Variants in SEC24A observed in about 807,000 individuals in gnomAD.
SEC24A encodes protein transport protein Sec24A.
In SEC24A, 93 loss-of-function variants were observed where a neutral mutation model predicts 129.4. That is an observed-to-expected ratio of 0.72 (90% CI 0.61 to 0.85). The LOEUF is 0.85. SEC24A is among the 40% of genes least tolerant of loss of function. The pLI is 0.00. For synonymous variants in SEC24A, 460 were observed against 467.3 expected, an observed-to-expected ratio of 0.98 and a Z score of 0.20; for missense variants, 1,264 against 1,307.4, an observed-to-expected ratio of 0.97 and a Z score of 0.51.
chr5:134,692,552 C>G (rs1452478926), intron 11 of SEC24A, 50 bp from the exon 12 acceptor site: 1 of 981,424 alleles, frequency 1.0e-6, no homozygotes, highest in Non-Finnish European at 1.6e-6. Flanking sequence ...ATTTGGCACA[C>G]TTTTAATTAT....
chr5:134,678,186 C>T (rs1751134807), intron 7 of SEC24A, among the ~76,000 whole-genome samples: 1 of 152,074 alleles, frequency 6.6e-6, no homozygotes, highest in Non-Finnish European at 1.5e-5. Flanking sequence ...CCACTATACC[C>T]AGCTAAGACT....
chr5:134,684,720 AAAAAAG>A (rs1048746860), intron 9 of SEC24A, among the ~76,000 whole-genome samples: 5 of 152,054 alleles, frequency 3.3e-5, no homozygotes, highest in African/African-American at 4.8e-5. Context: ...CTCAAAAAAC[AAAAAAG>A]AAAAAGAAAA....
intron 9 of SEC24A, 149 bp downstream of exon 9, chr5:134,682,631 G>A (rs750176885): frequency 3.8e-6 from 2 of 522,750 alleles, no homozygotes; most frequent in Non-Finnish European, 6.8e-6. Context: ...CAGTGGTGCA[G>A]TGGCAGGTTC....
At position 134,698,152 on chromosome 5, in the gene SEC24A, A is replaced by G. The variant is rs533037138; in HGVS notation, c.2266+95A>G. The G allele has an allele frequency of 2.8e-6, 3 of 1,064,832 alleles. No individual in the cohort carries two copies. The East Asian group carries it at 7.2e-5, about 26-fold the overall frequency. The allele number at this position is 1,064,832 out of a possible 1,614,324, so 66.0% of individuals were successfully genotyped here. On this transcript the variant is annotated intron_variant, in intron 15 of 22. Coordinates refer to ENST00000398844, the MANE Select transcript of SEC24A (RefSeq NM_021982.3). ...CTGGTCTTATAAGATTGCCCTTCTG[A>G]GATACTTTGCCTACTCTGGAATATG... is the stretch of plus-strand genomic sequence containing the variant.
chr5:134,649,173 G>T lies in SEC24A; in HGVS notation c.97G>T (p.Gly33Cys). The T allele has an allele frequency of 1.2e-6, 2 of 1,600,634 alleles. No individual in the cohort carries two copies. The highest frequency in any genetic ancestry group is 1.7e-6 in the Non-Finnish European group (2 of 1,172,720). The part of the protein sequence containing the change: ...ALASGSPYTN[G>C]PVQNALLSSQ... ...GGCCTCGGGGTCTCCCTACACCAAC[G>T]GTGAGTGCTGTCCGGGGGGAGGGCG... Residue 33 changes from glycine (G) to cysteine (C), a missense_variant and splice_region_variant, in exon 1 of 23, where the codon GGT (glycine) becomes TGT (cysteine). Coordinates refer to ENST00000398844, the MANE Select transcript of SEC24A (RefSeq NM_021982.3).
intron 1 of SEC24A, among the ~76,000 whole-genome samples, chr5:134,657,429 G>A (rs2150069311): frequency 6.6e-6 from 1 of 152,110 alleles, no homozygotes; most frequent in African/African-American, 2.4e-5. Context: ...AAACCTAGGA[G>A]TCATCCTAGA....
At chr5:134,714,991 T>A (rs7704052) in intron 18 of SEC24A, 33 bp from the exon 19 acceptor site, 21,754 of 1,594,516 alleles carry the variant, frequency 0.014, 304 homozygotes, top group Middle Eastern at 0.06. Context: ...TAAAATATAT[T>A]CTTTTGTGGG....
At chr5:134,649,596 G>A (rs1749981316) in intron 1 of SEC24A, among the ~76,000 whole-genome samples, 1 of 152,112 alleles carries the variant, frequency 6.6e-6, no homozygotes, top group South Asian at 2.1e-4. Flanking sequence ...CTCAGTCTGA[G>A]TTTCTGGAGA....
intron 1 of SEC24A, among the ~76,000 whole-genome samples, chr5:134,657,768 G>C (rs2150069529): frequency 1.3e-5 from 2 of 152,028 alleles, no homozygotes; most frequent in South Asian, 4.2e-4. Flanking sequence ...GTAGAGACGA[G>C]GTCTCACTAT....
Position 134,726,201 on chromosome 5 carries a change from T to G in SEC24A, c.*1107T>G, listed in dbSNP as rs1191077520. ...TTCTGAAAATCCTTAAGAGACTGCTTTCTTGATTCAGCTAGAGAAATATTA... is the reference window on the plus strand; with the variant it reads ...TTCTGAAAATCCTTAAGAGACTGCTGTCTTGATTCAGCTAGAGAAATATTA... On this transcript the variant is annotated 3_prime_UTR_variant, in exon 23 of 23. Coordinates refer to ENST00000398844, the MANE Select transcript of SEC24A (RefSeq NM_021982.3). 6.6e-6 allele frequency: 1 copy of G among 152,560 alleles called. No individual in the cohort carries two copies. The highest frequency in any genetic ancestry group is 1.5e-5 in the Non-Finnish European group (1 of 67,964). The allele number at this position is 152,560 out of a possible 1,614,324, so 9.5% of individuals were successfully genotyped here. A position where few individuals can be genotyped will look rare whatever the true frequency, so the allele number is the denominator to read the frequency against.
intron 4 of SEC24A, among the ~76,000 whole-genome samples, chr5:134,672,894 C>A (rs1321312088): frequency 6.6e-6 from 1 of 151,576 alleles, no homozygotes; most frequent in Non-Finnish European, 1.5e-5. Flanking sequence ...TGGTACCATG[C>A]CAGGCTAGTT....
chr5:134,685,515 C>G (rs1439604712), intron 9 of SEC24A, among the ~76,000 whole-genome samples: 2 of 151,936 alleles, frequency 1.3e-5, no homozygotes, highest in East Asian at 3.9e-4. Flanking sequence ...AAATAATACA[C>G]TATTGTATGT....
At chr5:134,689,606 C>G (rs1751566353) in intron 11 of SEC24A, among the ~76,000 whole-genome samples, 2 of 151,948 alleles carry the variant, frequency 1.3e-5, no homozygotes, top group African/African-American at 4.8e-5. Flanking sequence ...ACTAAAAATA[C>G]AAAAATTAGT....
chr5:134,692,924 C>T, intron 12 of SEC24A: 1 of 893,610 alleles, frequency 1.1e-6, no homozygotes, highest in South Asian at 1.4e-5. Flanking sequence ...TCTGTCTTGT[C>T]AGCCATTTGG....
At chr5:134,679,820 C>G in intron 8 of SEC24A, 92 bp downstream of exon 8, 1 of 1,052,648 alleles carries the variant, frequency 9.5e-7, no homozygotes, top group Non-Finnish European at 1.3e-6. Context: ...AAAAAAAACC[C>G]TTTTATTTAC....
chr5:134,662,832 A>G (rs939277731), intron 2 of SEC24A, among the ~76,000 whole-genome samples: 3 of 152,114 alleles, frequency 2.0e-5, no homozygotes, highest in African/African-American at 7.2e-5. Flanking sequence ...CTTGAAATGA[A>G]TGAATATGGT....
chr5:134,707,112 C>T (rs1210344369), intron 17 of SEC24A, among the ~76,000 whole-genome samples: 1 of 152,192 alleles, frequency 6.6e-6, no homozygotes, highest in Admixed American at 6.5e-5. Context: ...GTTGAGATTA[C>T]AGCTGTGAGT....
intron 8 of SEC24A, among the ~76,000 whole-genome samples, chr5:134,681,043 G>C (rs1394573218): frequency 6.6e-6 from 1 of 150,684 alleles, no homozygotes; most frequent in East Asian, 2.0e-4. Flanking sequence ...AGGTTTCAGT[G>C]AGCCGAAATC....
At position 134,675,076 on chromosome 5, in the gene SEC24A, G is replaced by C; in HGVS notation, c.1010G>C (p.Ser337Thr). 4.3e-6 allele frequency: 7 copies of C among 1,609,840 alleles called. No homozygotes were observed. The highest frequency in any genetic ancestry group is 5.1e-6 in the Non-Finnish European group (6 of 1,177,188). The change falls in exon 6 of 23, where the codon AGC becomes ACC. Residue 337 changes from serine to threonine, a missense_variant. By Grantham distance (58) the Ser-to-Thr change is moderately conservative. Transcript: ENST00000398844. ...TPLGANHLTTSMSGLSLQPEG... is the reference protein window; with the variant it reads ...TPLGANHLTTTMSGLSLQPEG... ...TTAGGTGCTAATCATTTAACCACAAGCATGAGTGGATTAAGTCTACAACCA... is the reference window on the plus strand; with the variant it reads ...TTAGGTGCTAATCATTTAACCACAACCATGAGTGGATTAAGTCTACAACCA...
Sources: gnomAD v4.1 joint callset for allele counts (sites outside exome capture counted in the v4.1 genomes callset) on GRCh38, gnomAD v4.1.1 for gene constraint, MANE v1.5 for transcripts, NCBI Gene and HGNC (gene_info 2026-07-23, HGNC 2026-07-21) for gene names.